Variants in MRPL48 observed in about 807,000 individuals in gnomAD.
MRPL48 encodes the protein large ribosomal subunit protein mL48.
MRPL48 carries 16 observed loss-of-function variants against 32.9 expected under a neutral mutation model. That is an observed-to-expected ratio of 0.49 (90% CI 0.33 to 0.74). MRPL48 has a LOEUF of 0.74. Among genes scored for constraint, MRPL48 ranks in the 30% least tolerant of loss-of-function variants. MRPL48 has a pLI of 0.02. For synonymous variants in MRPL48, 94 were observed against 89.2 expected, an observed-to-expected ratio of 1.05 and a Z score of -0.31; for missense variants, 206 against 245.3, an observed-to-expected ratio of 0.84 and a Z score of 1.07.
At chr11:73,831,854 C>T (rs369857438) in intron 4 of MRPL48, among the ~76,000 whole-genome samples, 18 of 144,092 alleles carry the variant, frequency 1.2e-4, no homozygotes, top group African/African-American at 4.1e-4. Flanking sequence ...GCGGGAGAAT[C>T]GCTTGAGCCG....
At chr11:73,800,209 G>A (rs1014614831) in intron 1 of MRPL48, among the ~76,000 whole-genome samples, 1 of 150,916 alleles carries the variant, frequency 6.6e-6, no homozygotes, top group Admixed American at 6.6e-5. Context: ...AGGAGTTCGA[G>A]ACAGCATGGG....
intron 1 of MRPL48, among the ~76,000 whole-genome samples, chr11:73,789,851 A>T (rs898014559): frequency 2.0e-5 from 3 of 152,154 alleles, no homozygotes; most frequent in African/African-American, 7.2e-5. Flanking sequence ...TATATAATAG[A>T]GACTTTAATG....
At chr11:73,859,850 T>A in intron 5 of MRPL48, 57 bp from the exon 6 acceptor site, 1 of 1,447,716 alleles carries the variant, frequency 6.9e-7, no homozygotes. Flanking sequence ...CTACTATGAT[T>A]GAAGTGGCTG....
intron 5 of MRPL48, among the ~76,000 whole-genome samples, chr11:73,845,770 A>G (rs1948276751): frequency 1.3e-5 from 2 of 152,012 alleles, no homozygotes; most frequent in African/African-American, 2.4e-5. Flanking sequence ...ACGCTGTCTC[A>G]AAATTTAAAA....
chr11:73,802,194 C>T (rs1387791960), intron 1 of MRPL48: 1 of 152,186 alleles, frequency 6.6e-6, no homozygotes, highest in African/African-American at 2.4e-5. Context: ...TTGTTGTTCG[C>T]ACCACCTATT....
intron 3 of MRPL48, among the ~76,000 whole-genome samples, chr11:73,813,417 A>AT (rs1947604521): frequency 6.6e-6 from 1 of 151,996 alleles, no homozygotes; most frequent in African/African-American, 2.4e-5. Context: ...CAGGTGATTC[A>AT]CCCACCTCGG....
chr11:73,805,742 T>C (rs1044213284), intron 2 of MRPL48, among the ~76,000 whole-genome samples: 2 of 150,900 alleles, frequency 1.3e-5, no homozygotes, highest in African/African-American at 4.9e-5. Context: ...CACTGTAGCC[T>C]TGACCTCCCA....
At chr11:73,788,211 C>G (rs957127496) in intron 1 of MRPL48, among the ~76,000 whole-genome samples, 1 of 152,078 alleles carries the variant, frequency 6.6e-6, no homozygotes, top group Non-Finnish European at 1.5e-5. Context: ...CCGAGCCGAC[C>G]CGTGCCACGC....
In MRPL48 at chr11:73,808,364, A is replaced by T. The variant is rs1323804364; in HGVS notation, c.112+14A>T. ...TCTATTCTGTAGGTAAGCAGTTTTT[A>T]CCTGATGTAGTTGGCCTGCTTTAAG... On this transcript the variant is annotated intron_variant, in intron 3 of 7. Transcript: ENST00000310614. The T allele has an allele frequency of 3.1e-6, 5 of 1,603,996 alleles. No individual in the cohort carries two copies. Among genetic ancestry groups the T allele is most frequent in the African/African-American group, 1.3e-5 (1 of 74,932 alleles).
chr11:73,835,341 C>T (rs1484278286), intron 4 of MRPL48, among the ~76,000 whole-genome samples: 1 of 151,500 alleles, frequency 6.6e-6, no homozygotes, highest in Non-Finnish European at 1.5e-5. Flanking sequence ...GGAGTTTCAC[C>T]ATTTTGGCTA....
intron 3 of MRPL48, among the ~76,000 whole-genome samples, chr11:73,816,733 G>T (rs1214081788): frequency 6.6e-6 from 1 of 152,114 alleles, no homozygotes; most frequent in Non-Finnish European, 1.5e-5. Flanking sequence ...TAAATTGTTG[G>T]GATTACAGGC....
chr11:73,805,141 C>T (rs894981243), intron 2 of MRPL48, 62 bp downstream of exon 2: 13 of 1,384,212 alleles, frequency 9.4e-6, no homozygotes, highest in Non-Finnish European at 1.2e-5. Context: ...TCATAGTTCA[C>T]ACAGCATTTT....
At chr11:73,805,126 T>G in intron 2 of MRPL48, 47 bp downstream of exon 2, 2 of 1,484,954 alleles carry the variant, frequency 1.3e-6, no homozygotes, top group Non-Finnish European at 1.8e-6. Context: ...CATTTGCCTT[T>G]GGCTTCATAG....
chr11:73,863,199 G>C lies in MRPL48; in HGVS notation c.502G>C (p.Glu168Gln). ...CAGCGGTTTGAGTGCTACGTTTGCA[G>C]AAATTTTCTTGGAAATAATCCAAAG... The part of the protein sequence containing the change: ...QISGLSATFA[E>Q]IFLEIIQSSL... The change falls in exon 7 of 8, where the codon GAA (glutamate) becomes CAA (glutamine). Residue 168 changes from glutamate to glutamine, a missense_variant. Transcript: ENST00000310614. 1 of 1,584,274 alleles carries C rather than the reference G, an allele frequency of 6.3e-7. No individual in the cohort carries two copies. Among genetic ancestry groups the C allele is most frequent in the Non-Finnish European group, 8.6e-7 (1 of 1,164,852 alleles).
At chr11:73,812,802 T>G (rs1947592963) in intron 3 of MRPL48, among the ~76,000 whole-genome samples, 4 of 151,042 alleles carry the variant, frequency 2.6e-5, no homozygotes. Flanking sequence ...CAGGCTGGAG[T>G]ACAGTGGCAC....
chr11:73,860,622 C>T (rs936030125), intron 6 of MRPL48: 38 of 152,282 alleles, frequency 2.5e-4, no homozygotes, highest in African/African-American at 8.9e-4. Context: ...TGATGGGTGC[C>T]AACCACACCA....
intron 3 of MRPL48, among the ~76,000 whole-genome samples, chr11:73,815,022 A>AT (rs60726494): frequency 1.3e-5 from 2 of 151,904 alleles, no homozygotes; most frequent in Non-Finnish European, 2.9e-5. Flanking sequence ...AAATAAATAA[A>AT]ACAAAAAAGT....
chr11:73,830,695 A>G (rs960067947), intron 4 of MRPL48, among the ~76,000 whole-genome samples: 11 of 152,176 alleles, frequency 7.2e-5, no homozygotes, highest in African/African-American at 2.2e-4. Context: ...TGCATAAAGT[A>G]TCCAACCCTT....
intron 6 of MRPL48, 29 bp downstream of exon 6, chr11:73,860,038 A>G: frequency 6.4e-7 from 1 of 1,560,126 alleles, no homozygotes; most frequent in Non-Finnish European, 8.8e-7. Flanking sequence ...TAAAAAATGT[A>G]TTTGCTTCTC....
Sources: gnomAD v4.1 joint callset for allele counts (sites outside exome capture counted in the v4.1 genomes callset) on GRCh38, gnomAD v4.1.1 for gene constraint, MANE v1.5 for transcripts, NCBI Gene and HGNC (gene_info 2026-07-23, HGNC 2026-07-21) for gene names.